ERBB4: variants seen among roughly 807,000 people sequenced by gnomAD.
ERBB4 encodes the protein receptor tyrosine-protein kinase erbB-4.
ERBB4 carries 42 observed loss-of-function variants against 158.0 expected under a neutral mutation model. The ratio of observed to expected loss-of-function variants is 0.27; its 90% CI spans 0.21 to 0.34. ERBB4 has a LOEUF of 0.34. ERBB4 is among the 10% of genes least tolerant of loss of function. The probability of loss-of-function intolerance (pLI) is 1.00; values close to 1 mark genes in which losing one functional copy is unlikely to be tolerated. For synonymous variants in ERBB4, 583 were observed against 558.7 expected, an observed-to-expected ratio of 1.04 and a Z score of -0.61; for missense variants, 1,333 against 1,624.1, an observed-to-expected ratio of 0.82 and a Z score of 3.08.
chr2:211,698,322 A>T (rs879628859), intron 12 of ERBB4, among the ~76,000 whole-genome samples: 20 of 150,956 alleles, frequency 1.3e-4, no homozygotes, highest in South Asian at 2.1e-4. Flanking sequence ...CAGAAAAAAA[A>T]AAAAAAAAAA....
intron 2 of ERBB4, among the ~76,000 whole-genome samples, chr2:212,071,996 A>G (rs1162072967): frequency 1.3e-5 from 2 of 152,032 alleles, no homozygotes; most frequent in East Asian, 3.9e-4. Context: ...GTACAGAAGA[A>G]GAAACTGAGG....
At chr2:211,918,243 G>A (rs1454448907) in intron 3 of ERBB4, among the ~76,000 whole-genome samples, 4 of 152,110 alleles carry the variant, frequency 2.6e-5, no homozygotes, top group Non-Finnish European at 5.9e-5. Context: ...TTAATACCTG[G>A]TTTACAGAAC....
At chr2:212,317,237 G>A (rs2087330624) in intron 1 of ERBB4, among the ~76,000 whole-genome samples, 2 of 151,446 alleles carry the variant, frequency 1.3e-5, no homozygotes, top group African/African-American at 4.8e-5. Flanking sequence ...GGAACCCCTG[G>A]AAATTCCTTG....
At chr2:211,612,444 A>G (rs2069235106) in intron 19 of ERBB4, among the ~76,000 whole-genome samples, 1 of 151,874 alleles carries the variant, frequency 6.6e-6, no homozygotes, top group Non-Finnish European at 1.5e-5. Context: ...AAAATTTCTG[A>G]GTACTATTAG....
intron 3 of ERBB4, among the ~76,000 whole-genome samples, chr2:211,815,077 A>T (rs1475369774): frequency 8.5e-5 from 13 of 152,326 alleles, no homozygotes; most frequent in African/African-American, 2.9e-4. Context: ...CCTATTCATT[A>T]AAAAAGTGTA....
intron 20 of ERBB4, among the ~76,000 whole-genome samples, chr2:211,483,447 C>A (rs2065132075): frequency 6.6e-6 from 1 of 152,070 alleles, no homozygotes; most frequent in Non-Finnish European, 1.5e-5. Flanking sequence ...AGACAAAAAT[C>A]ATAAAACAGC....
In ERBB4 at chr2:211,858,876, C is replaced by T. The variant is rs149251002; in HGVS notation, c.422-70717G>A. 6.6e-3 allele frequency among the ~76,000 whole-genome samples: 1,003 copies of T among 152,136 alleles called. 7 individuals are homozygous for T. Among genetic ancestry groups the T allele is most frequent in the African/African-American group, 0.023 (961 of 41,500 alleles). ...CCGCTCACTGCAACTTCCAACTCCCCGTTCAAGCGATTCTCCTGCCTTAGC... is the reference window on the plus strand; with the variant it reads ...CCGCTCACTGCAACTTCCAACTCCCTGTTCAAGCGATTCTCCTGCCTTAGC... On this transcript the variant is annotated intron_variant, in intron 3 of 27. Transcript: ENST00000342788.
At chr2:211,634,005 A>G (rs1041954852) in intron 16 of ERBB4, among the ~76,000 whole-genome samples, 1 of 152,188 alleles carries the variant, frequency 6.6e-6, no homozygotes, top group Non-Finnish European at 1.5e-5. Context: ...CTAAAAATAC[A>G]AAAATCAGCT....
At chr2:211,972,530 G>A (rs2081483881) in intron 2 of ERBB4, among the ~76,000 whole-genome samples, 1 of 152,160 alleles carries the variant, frequency 6.6e-6, no homozygotes, top group Non-Finnish European at 1.5e-5. Flanking sequence ...AACCAACACA[G>A]CAAGGTACCG....
chr2:211,474,578 T>C (rs1321025254), intron 20 of ERBB4, among the ~76,000 whole-genome samples: 1 of 151,928 alleles, frequency 6.6e-6, no homozygotes, highest in Non-Finnish European at 1.5e-5. Context: ...TACCAAGGAG[T>C]GTACAGGAAC....
chr2:212,504,700 C>G (rs769717040), intron 1 of ERBB4, among the ~76,000 whole-genome samples: 1 of 151,952 alleles, frequency 6.6e-6, no homozygotes, highest in African/African-American at 2.4e-5. Flanking sequence ...CTGAGCCCAG[C>G]GATTTAAAAT....
chr2:211,494,269 C>T (rs1244477505), intron 20 of ERBB4, among the ~76,000 whole-genome samples: 1 of 152,090 alleles, frequency 6.6e-6, no homozygotes, highest in Non-Finnish European at 1.5e-5. Context: ...TCCGAAAGTG[C>T]TGAGATTATA....
chr2:212,142,446 T>G (rs959628856), intron 1 of ERBB4, among the ~76,000 whole-genome samples: 1 of 151,744 alleles, frequency 6.6e-6, no homozygotes, highest in African/African-American at 2.4e-5. Flanking sequence ...AACCCAAATG[T>G]TATTTCTGAT....
intron 2 of ERBB4, among the ~76,000 whole-genome samples, chr2:211,956,859 G>A (rs2081049269): frequency 6.6e-6 from 1 of 152,016 alleles, no homozygotes; most frequent in Non-Finnish European, 1.5e-5. Flanking sequence ...TTATGAGACA[G>A]ATTCTTGCTC....
intron 2 of ERBB4, among the ~76,000 whole-genome samples, chr2:212,094,668 C>G (rs866949982): frequency 6.6e-6 from 1 of 152,142 alleles, no homozygotes; most frequent in African/African-American, 2.4e-5. Flanking sequence ...CTGTCATGAT[C>G]GAAAGCTTCC....
At chr2:212,163,211 G>T (rs1173211607) in intron 1 of ERBB4, among the ~76,000 whole-genome samples, 1 of 151,894 alleles carries the variant, frequency 6.6e-6, no homozygotes, top group East Asian at 1.9e-4. Flanking sequence ...ACCTATCTGT[G>T]TGTGTATGTA....
chr2:212,008,888 C>T (rs1415296371), intron 2 of ERBB4, among the ~76,000 whole-genome samples: 1 of 152,112 alleles, frequency 6.6e-6, no homozygotes, highest in Non-Finnish European at 1.5e-5. Flanking sequence ...GGCAGCTGCT[C>T]TGACTTAGAG....
At chr2:212,134,003 C>A (rs527585860) in intron 1 of ERBB4, among the ~76,000 whole-genome samples, 3 of 152,160 alleles carry the variant, frequency 2.0e-5, no homozygotes, top group East Asian at 1.9e-4. Flanking sequence ...CACAACATTT[C>A]TAGGATAATT....
chr2:211,946,576 C>CTTT (rs56007115), intron 3 of ERBB4, among the ~76,000 whole-genome samples: 1,031 of 49,622 alleles, frequency 0.021, 164 homozygotes, highest in Middle Eastern at 0.1. Flanking sequence ...AATTAGCTCT[C>CTTT]TTTTTTTTTT....
Sources: gnomAD v4.1 joint callset for allele counts (sites outside exome capture counted in the v4.1 genomes callset) on GRCh38, gnomAD v4.1.1 for gene constraint, MANE v1.5 for transcripts, NCBI Gene and HGNC (gene_info 2026-07-23, HGNC 2026-07-21) for gene names.